The following OCA2 variants were observed in gnomAD, a reference collection of about 807,000 sequenced individuals.
OCA2 encodes the protein OCA2 melanosomal transmembrane protein, also known as P protein.
OCA2 carries 77 observed loss-of-function variants against 100.2 expected under a neutral mutation model. That is an observed-to-expected ratio of 0.77 (90% confidence interval 0.64 to 0.93). The LOEUF (loss-of-function observed/expected upper bound fraction) is 0.93, where lower values mean the gene tolerates loss of function less well. Among genes scored for constraint, OCA2 ranks in the 40% least tolerant of loss-of-function variants. The probability of loss-of-function intolerance (pLI) is 0.00; values close to 1 mark genes in which losing one functional copy is unlikely to be tolerated. For missense variants in OCA2, 1,062 were observed against 1,089.1 expected, an observed-to-expected ratio of 0.98 and a Z score of 0.35; for synonymous variants, 432 against 439.2, an observed-to-expected ratio of 0.98 and a Z score of 0.21.
intron 2 of OCA2, among the ~76,000 whole-genome samples, chr15:28,058,954 C>T (rs1595891220): frequency 1.3e-5 from 2 of 152,144 alleles, no homozygotes; most frequent in Admixed American, 1.3e-4. Context: ...CCAAGGGCCC[C>T]GCAGATGAGG....
At chr15:28,095,559 A>C (rs920621222) in intron 1 of OCA2, among the ~76,000 whole-genome samples, 1 of 152,074 alleles carries the variant, frequency 6.6e-6, no homozygotes, top group African/African-American at 2.4e-5. Context: ...TCTACTAAAA[A>C]TACAAAAATT....
At chr15:28,039,354 T>C (rs2043136802) in intron 2 of OCA2, among the ~76,000 whole-genome samples, 1 of 152,226 alleles carries the variant, frequency 6.6e-6, no homozygotes, top group African/African-American at 2.4e-5. Context: ...TACACTTTTA[T>C]CTAATGTGCA....
chr15:27,918,532 A>G (rs975754280), intron 19 of OCA2, among the ~76,000 whole-genome samples: 3 of 152,200 alleles, frequency 2.0e-5, no homozygotes, highest in African/African-American at 4.8e-5. Flanking sequence ...GCCTCTTTCA[A>G]TTAACGTCCA....
chr15:27,879,249 C>T (rs933181265), intron 19 of OCA2, among the ~76,000 whole-genome samples: 1 of 152,124 alleles, frequency 6.6e-6, no homozygotes, highest in African/African-American at 2.4e-5. Context: ...TTTATCCAGG[C>T]TATCATTGTA....
intron 19 of OCA2, among the ~76,000 whole-genome samples, chr15:27,875,757 T>C (rs2036764982): frequency 6.6e-6 from 1 of 152,052 alleles, no homozygotes. Context: ...GGTTTATTCC[T>C]AGGTTTCTTA....
At chr15:27,997,381 C>T (rs1016842612) in intron 9 of OCA2, among the ~76,000 whole-genome samples, 15 of 151,556 alleles carry the variant, frequency 9.9e-5, no homozygotes, top group East Asian at 3.9e-4. Flanking sequence ...GATCCAGTTT[C>T]GGCTTTCTAC....
chr15:27,722,866 G>A, the OCA2 span, among the ~76,000 whole-genome samples: 3 of 144,542 alleles, frequency 2.1e-5, no homozygotes, highest in Non-Finnish European at 3.0e-5. Flanking sequence ...TTCTTTGGCT[G>A]AGTCTCTCTC....
At chr15:27,831,284 C>CAAAAAAAAAAAA (rs71132824) in intron 23 of OCA2, among the ~76,000 whole-genome samples, 3,134 of 62,376 alleles carry the variant, frequency 0.05, 629 homozygotes, top group South Asian at 0.071. Context: ...GACTCCGTCT[C>CAAAAAAAAAAAA]AAAAAAAAAA....
intron 2 of OCA2, among the ~76,000 whole-genome samples, chr15:28,052,380 T>C (rs1340571381): frequency 1.3e-5 from 2 of 152,234 alleles, no homozygotes; most frequent in Non-Finnish European, 2.9e-5. Context: ...CTCTCACAGC[T>C]GTGTTCTAAT....
At chr15:27,915,312 C>A (rs1045802583) in intron 19 of OCA2, among the ~76,000 whole-genome samples, 2 of 152,050 alleles carry the variant, frequency 1.3e-5, no homozygotes, top group Admixed American at 6.6e-5. Flanking sequence ...AAAGATTTCA[C>A]GACAAAGACC....
chr15:27,956,512 G>A (rs1289320431), intron 16 of OCA2, among the ~76,000 whole-genome samples: 1 of 152,146 alleles, frequency 6.6e-6, no homozygotes, highest in Non-Finnish European at 1.5e-5. Context: ...GAGCCTCGGA[G>A]CCCACATGTT....
At chr15:27,982,369 A>T (rs1334222238) in intron 14 of OCA2, among the ~76,000 whole-genome samples, 1 of 152,250 alleles carries the variant, frequency 6.6e-6, no homozygotes, top group African/African-American at 2.4e-5. Flanking sequence ...TTCCATGAGC[A>T]TGAGCTCCAT....
chr15:27,787,563 T>A lies in OCA2; in HGVS notation c.2433-32091A>T, dbSNP rs183617467. 1.2e-4 allele frequency among the ~76,000 whole-genome samples: 19 copies of A among 152,154 alleles called. No homozygotes were observed. In the East Asian group the frequency reaches 1.7e-3, roughly 14 times the overall value. On this transcript the variant is annotated intron_variant, in intron 23 of 23. Transcript: ENST00000354638. ...GTTCAGAGCGTTCTTTTATAATACT[T>A]ATAACTTTTGAAAGGCTGGTAGTAA...
intron 23 of OCA2, among the ~76,000 whole-genome samples, chr15:27,803,464 T>C (rs969058043): frequency 1.3e-5 from 2 of 152,214 alleles, no homozygotes; most frequent in African/African-American, 4.8e-5. Flanking sequence ...GACATAAGGC[T>C]GACTGAAATA....
chr15:27,851,502 A>G (rs576801742), intron 21 of OCA2, 27 bp from the exon 22 acceptor site: 2 of 1,577,576 alleles, frequency 1.3e-6, no homozygotes, highest in Non-Finnish European at 1.7e-6. Flanking sequence ...CATTGATGCC[A>G]CGTCCCATGG....
chr15:28,081,074 G>C (rs952632782), intron 2 of OCA2, among the ~76,000 whole-genome samples: 1 of 152,108 alleles, frequency 6.6e-6, no homozygotes, highest in African/African-American at 2.4e-5. Context: ...GAAGGCAGCA[G>C]GGAACACTCG....
chr15:27,938,536 C>T (rs1353858353), intron 18 of OCA2, among the ~76,000 whole-genome samples: 1 of 152,142 alleles, frequency 6.6e-6, no homozygotes, highest in African/African-American at 2.4e-5. Flanking sequence ...TGGTACAGCC[C>T]TACAAATATG....
At chr15:28,082,259 C>T (rs2044662655) in intron 1 of OCA2, among the ~76,000 whole-genome samples, 1 of 152,092 alleles carries the variant, frequency 6.6e-6, no homozygotes, top group Admixed American at 6.6e-5. Flanking sequence ...AGGACGTGGG[C>T]GGGGACAAAT....
chr15:27,884,020 A>G (rs2037125948), intron 19 of OCA2, among the ~76,000 whole-genome samples: 1 of 152,242 alleles, frequency 6.6e-6, no homozygotes, highest in Non-Finnish European at 1.5e-5. Context: ...AGAATGTCAG[A>G]GCAAGGTTAG....
Sources: gnomAD v4.1 joint callset for allele counts (sites outside exome capture counted in the v4.1 genomes callset) on GRCh38, gnomAD v4.1.1 for gene constraint, MANE v1.5 for transcripts, NCBI Gene and HGNC (gene_info 2026-07-23, HGNC 2026-07-21) for gene names.